MGAT4C: variants seen among roughly 807,000 people sequenced by gnomAD.
MGAT4C encodes MGAT4 family member C.
A neutral mutation model predicts 40.1 loss-of-function variants in MGAT4C; 19 were observed. The observed-to-expected ratio is 0.47, with a 90% CI of 0.33 to 0.70. The LOEUF is 0.70. MGAT4C is among the 30% of genes least tolerant of loss of function. The pLI is 0.02. For missense variants in MGAT4C, 491 were observed against 563.2 expected, an observed-to-expected ratio of 0.87 and a Z score of 1.30; for synonymous variants, 181 against 187.1, an observed-to-expected ratio of 0.97 and a Z score of 0.27.
intron 1 of MGAT4C, among the ~76,000 whole-genome samples, chr12:86,775,329 C>CAT (rs1454930197): frequency 2.0e-5 from 3 of 151,226 alleles, no homozygotes; most frequent in Non-Finnish European, 4.4e-5. Flanking sequence ...TTTTTAAATT[C>CAT]ATATATATAT....
chr12:86,451,799 T>G (rs1957428582), intron 2 of MGAT4C, among the ~76,000 whole-genome samples: 1 of 152,136 alleles, frequency 6.6e-6, no homozygotes, highest in Non-Finnish European at 1.5e-5. Context: ...ACCCACTTAC[T>G]GAATTATTTA....
chr12:86,819,344 T>C (rs1952665849), intron 1 of MGAT4C, among the ~76,000 whole-genome samples: 1 of 150,964 alleles, frequency 6.6e-6, no homozygotes, highest in Non-Finnish European at 1.5e-5. Context: ...TATAGGTTGC[T>C]ATATTTAATC....
intron 1 of MGAT4C, among the ~76,000 whole-genome samples, chr12:86,743,116 A>ATGTG (rs60215418): frequency 0.04 from 5,746 of 144,516 alleles, 232 homozygotes; most frequent in African/African-American, 0.11. Flanking sequence ...GTGTGTATGC[A>ATGTG]TGTGTGTGTG....
intron 1 of MGAT4C, among the ~76,000 whole-genome samples, chr12:86,832,075 A>C (rs1268932985): frequency 1.3e-5 from 2 of 151,768 alleles, no homozygotes; most frequent in Non-Finnish European, 2.9e-5. Flanking sequence ...AATATAACTC[A>C]GTTCTACAAA....
At chr12:86,751,916 A>G (rs1951236149) in intron 1 of MGAT4C, among the ~76,000 whole-genome samples, 1 of 152,062 alleles carries the variant, frequency 6.6e-6, no homozygotes, top group African/African-American at 2.4e-5. Context: ...TGTTAGGACC[A>G]GGCTTAATTC....
intron 1 of MGAT4C, among the ~76,000 whole-genome samples, chr12:86,221,480 G>A (rs571437659): frequency 2.0e-5 from 3 of 152,258 alleles, no homozygotes; most frequent in Admixed American, 6.5e-5. Context: ...CAAGGATTTG[G>A]TCAATCTCTC....
chr12:86,017,630 G>A (rs1362535846), intron 2 of MGAT4C, among the ~76,000 whole-genome samples: 1 of 151,968 alleles, frequency 6.6e-6, no homozygotes, highest in Admixed American at 6.6e-5. Flanking sequence ...TGAGTACTGG[G>A]GGAACCTCAA....
At position 86,495,924 on chromosome 12, in the gene MGAT4C, C is replaced by T. The variant is rs1958227298; in HGVS notation, c.-228-60659G>A. On this transcript the variant is annotated intron_variant, in intron 2 of 7. Coordinates refer to the MGAT4C transcript ENST00000548651. ...TAATTACTTTTTACCAATTCCTCTT[C>T]CTAACCCTTCCCTAATTCCTGTTTT... 2.0e-5 allele frequency among the ~76,000 whole-genome samples: 3 copies of T among 152,122 alleles called. No homozygotes were observed. The South Asian group carries it at 6.2e-4, about 32-fold the overall frequency.
chr12:86,423,720 A>G (rs1182978515), intron 3 of MGAT4C, among the ~76,000 whole-genome samples: 1 of 152,174 alleles, frequency 6.6e-6, no homozygotes, highest in Non-Finnish European at 1.5e-5. Context: ...TCCATTCATA[A>G]TGTATTGAAC....
chr12:86,422,691 A>G (rs1956851028), intron 3 of MGAT4C, among the ~76,000 whole-genome samples: 1 of 152,218 alleles, frequency 6.6e-6, no homozygotes, highest in Non-Finnish European at 1.5e-5. Context: ...TATTCTGGCT[A>G]ATGTGACACA....
intron 1 of MGAT4C, among the ~76,000 whole-genome samples, chr12:86,727,736 C>T (rs1950846151): frequency 6.6e-6 from 1 of 151,816 alleles, no homozygotes; most frequent in African/African-American, 2.4e-5. Flanking sequence ...TTACAGAATA[C>T]TTTTTAAAAC....
chr12:86,780,713 G>A (rs1244278350), intron 1 of MGAT4C, among the ~76,000 whole-genome samples: 2 of 152,096 alleles, frequency 1.3e-5, no homozygotes, highest in Non-Finnish European at 2.9e-5. Context: ...TTATAGCAGT[G>A]TGAGAAAGAA....
intron 4 of MGAT4C, among the ~76,000 whole-genome samples, chr12:86,311,703 C>T (rs1482703683): frequency 6.6e-6 from 1 of 152,174 alleles, no homozygotes; most frequent in Non-Finnish European, 1.5e-5. Context: ...TAATTTTATG[C>T]TTCTGTGTGT....
intron 3 of MGAT4C, among the ~76,000 whole-genome samples, chr12:86,366,547 C>T (rs150732500): frequency 2.6e-5 from 4 of 152,170 alleles, no homozygotes; most frequent in African/African-American, 9.6e-5. Context: ...AAGATGGCAA[C>T]AACAGACACT....
chr12:86,051,470 A>G (rs10779226), intron 1 of MGAT4C, among the ~76,000 whole-genome samples: 120,435 of 151,644 alleles, frequency 0.79, 48,400 homozygotes, highest in East Asian at 0.97. Flanking sequence ...TTTCTCATAG[A>G]CACTGATGAA....
chr12:86,047,963 A>G (rs942250130), intron 2 of MGAT4C, among the ~76,000 whole-genome samples: 3 of 152,132 alleles, frequency 2.0e-5, no homozygotes, highest in Non-Finnish European at 4.4e-5. Flanking sequence ...ACACACGGAA[A>G]ATAATAGTCC....
At chr12:86,356,775 G>C (rs1955322812) in intron 3 of MGAT4C, among the ~76,000 whole-genome samples, 1 of 82,982 alleles carries the variant, frequency 1.2e-5, no homozygotes, top group Non-Finnish European at 3.0e-5. Context: ...GGCTGGGGGA[G>C]AGGGGTTGGC....
chr12:86,589,135 A>T (rs1961205755), intron 2 of MGAT4C, among the ~76,000 whole-genome samples: 1 of 152,110 alleles, frequency 6.6e-6, no homozygotes, highest in Admixed American at 6.6e-5. Flanking sequence ...GAAAGGATCA[A>T]CAAAATTGAT....
At chr12:86,148,831 T>C (rs984349657) in intron 1 of MGAT4C, among the ~76,000 whole-genome samples, 1 of 152,208 alleles carries the variant, frequency 6.6e-6, no homozygotes, top group Non-Finnish European at 1.5e-5. Flanking sequence ...CTAAGAGCCT[T>C]GAGCTTGTAA....
Sources: gnomAD v4.1 joint callset for allele counts (sites outside exome capture counted in the v4.1 genomes callset) on GRCh38, gnomAD v4.1.1 for gene constraint, MANE v1.5 for transcripts, NCBI Gene and HGNC (gene_info 2026-07-23, HGNC 2026-07-21) for gene names.